TBXAS1: variants seen among roughly 807,000 people sequenced by gnomAD.
TBXAS1 encodes thromboxane A synthase 1, also known as thromboxane-A synthase.
TBXAS1 carries 48 observed loss-of-function variants against 60.7 expected under a neutral mutation model. That is an observed-to-expected ratio of 0.79 (90% CI 0.63 to 1.01). The LOEUF (loss-of-function observed/expected upper bound fraction) is 1.01. TBXAS1 is among the 50% of genes least tolerant of loss of function. TBXAS1 has a pLI of 0.00. For missense variants in TBXAS1, 685 were observed against 686.3 expected (o/e 1.00, Z 0.02); for synonymous variants, 287 against 269.7 (o/e 1.06, Z -0.63).
intron 11 of TBXAS1, 72 bp from the exon 12 acceptor site, chr7:140,017,599 C>G (rs1489297132): frequency 2.5e-6 from 4 of 1,588,166 alleles, no homozygotes; most frequent in African/African-American, 1.3e-5. Flanking sequence ...AGGGGTGGCT[C>G]AGCTGGAGCA....
chr7:139,791,922 G>A (rs1461066258), intron 4 of TBXAS1, among the ~76,000 whole-genome samples: 1 of 150,212 alleles, frequency 6.7e-6, no homozygotes, highest in East Asian at 2.0e-4. Flanking sequence ...GAAAAAAGAA[G>A]TGAAGAAGAA....
chr7:139,925,005 A>G (rs577348613), intron 4 of TBXAS1, among the ~76,000 whole-genome samples: 12 of 152,072 alleles, frequency 7.9e-5, no homozygotes, highest in African/African-American at 2.7e-4. Context: ...CTTCTATTCC[A>G]TTGGTCTATG....
intron 4 of TBXAS1, among the ~76,000 whole-genome samples, chr7:139,822,034 T>C (rs1018368900): frequency 2.6e-5 from 4 of 152,206 alleles, no homozygotes; most frequent in Non-Finnish European, 5.9e-5. Flanking sequence ...ACACGAGGAA[T>C]TCATTTTCCT....
intron 3 of TBXAS1, among the ~76,000 whole-genome samples, chr7:139,885,670 C>T (rs1584766188): frequency 6.6e-6 from 1 of 152,176 alleles, no homozygotes; most frequent in African/African-American, 2.4e-5. Context: ...GAAATTATTA[C>T]TAAATTTGAA....
At chr7:139,848,557 G>A (rs1407915809) in intron 1 of TBXAS1, among the ~76,000 whole-genome samples, 3 of 152,184 alleles carry the variant, frequency 2.0e-5, no homozygotes, top group South Asian at 2.1e-4. Flanking sequence ...CTCTGTTCCA[G>A]TCTGACAGTG....
chr7:139,938,603 G>A (rs1569516133), intron 5 of TBXAS1, among the ~76,000 whole-genome samples: 1 of 152,344 alleles, frequency 6.6e-6, no homozygotes, highest in East Asian at 1.9e-4. Flanking sequence ...GCTGCCTGGA[G>A]TGTGCCCCTT....
chr7:139,957,798 G>A (rs1437840852), intron 8 of TBXAS1, 34 bp downstream of exon 8: 3 of 1,613,402 alleles, frequency 1.9e-6, no homozygotes, highest in Admixed American at 1.7e-5. Context: ...GCCTTGAAAT[G>A]GAATGGAGCC....
intron 1 of TBXAS1, among the ~76,000 whole-genome samples, chr7:139,870,243 C>T (rs1199487634): frequency 6.6e-6 from 1 of 152,212 alleles, no homozygotes; most frequent in South Asian, 2.1e-4. Context: ...AGGGCATGGA[C>T]TTGCATAATA....
intron 1 of TBXAS1, among the ~76,000 whole-genome samples, chr7:139,838,244 G>A (rs1422347754): frequency 6.6e-6 from 1 of 152,210 alleles, no homozygotes; most frequent in South Asian, 2.1e-4. Flanking sequence ...AAGCTCAGGG[G>A]TGCTTCCTCA....
At chr7:139,795,981 A>G (rs970627626) in intron 4 of TBXAS1, among the ~76,000 whole-genome samples, 2 of 152,066 alleles carry the variant, frequency 1.3e-5, no homozygotes, top group Non-Finnish European at 2.9e-5. Flanking sequence ...TACCCTTAAG[A>G]ATGTGATGAA....
At chr7:139,802,207 G>A (rs1251698666) in intron 4 of TBXAS1, among the ~76,000 whole-genome samples, 1 of 152,104 alleles carries the variant, frequency 6.6e-6, no homozygotes, top group Non-Finnish European at 1.5e-5. Flanking sequence ...TTGTTCAAAT[G>A]TATTTCCATT....
intron 4 of TBXAS1, among the ~76,000 whole-genome samples, chr7:139,806,260 A>ATTTTT (rs1281739781): frequency 9.6e-5 from 14 of 145,284 alleles, no homozygotes; most frequent in African/African-American, 3.6e-4. Flanking sequence ...ATTTTATTTT[A>ATTTTT]TTTTATTTTA....
At chr7:139,864,986 A>G (rs1322548239) in intron 1 of TBXAS1, among the ~76,000 whole-genome samples, 1 of 152,208 alleles carries the variant, frequency 6.6e-6, no homozygotes, top group Non-Finnish European at 1.5e-5. Flanking sequence ...GCTTGGAAAA[A>G]AAATACTCAC....
At chr7:139,904,994 T>TA (rs1804872152) in intron 3 of TBXAS1, among the ~76,000 whole-genome samples, 1 of 126,702 alleles carries the variant, frequency 7.9e-6, no homozygotes, top group African/African-American at 3.5e-5. Context: ...TTTCTCTCTT[T>TA]CTCTCTTTCT....
In TBXAS1 at chr7:139,858,015, T is replaced by C. The variant is rs539160612; in HGVS notation, c.90-14220T>C. Among the ~76,000 whole-genome samples the C allele has an allele frequency of 5.4e-4, 82 of 152,244 alleles. No individual in the cohort carries two copies. The South Asian group carries it at 0.017, about 31-fold the overall frequency. ...CCCCAAAACACTGGGATTATGGGTGTGAGCTACCACGCCTGGCCTTGGGCT... is the reference window on the plus strand; with the variant it reads ...CCCCAAAACACTGGGATTATGGGTGCGAGCTACCACGCCTGGCCTTGGGCT... On this transcript the variant is annotated intron_variant, in intron 1 of 12. Transcript: ENST00000448866.
At chr7:139,795,954 G>A (rs988007953) in intron 4 of TBXAS1, among the ~76,000 whole-genome samples, 4 of 151,942 alleles carry the variant, frequency 2.6e-5, no homozygotes, top group East Asian at 1.9e-4. Flanking sequence ...TCTTAATTTC[G>A]TGGGGGGCAT....
chr7:139,963,881 C>A (rs987361468), intron 9 of TBXAS1, among the ~76,000 whole-genome samples: 2 of 152,154 alleles, frequency 1.3e-5, no homozygotes, highest in Admixed American at 1.3e-4. Flanking sequence ...GTTTCTCTCT[C>A]GCCAGTTCTT....
intron 3 of TBXAS1, among the ~76,000 whole-genome samples, chr7:139,884,555 G>A (rs1486494425): frequency 2.6e-5 from 4 of 152,288 alleles, no homozygotes; most frequent in East Asian, 1.9e-4. Context: ...TGTGGGTACC[G>A]AGAGAGCAGC....
chr7:139,949,657 C>T (rs1006020003), intron 5 of TBXAS1, among the ~76,000 whole-genome samples: 2 of 152,294 alleles, frequency 1.3e-5, no homozygotes, highest in African/African-American at 2.4e-5. Context: ...AGTCATGAAG[C>T]ATCAACACAG....
Sources: gnomAD v4.1 joint callset for allele counts (sites outside exome capture counted in the v4.1 genomes callset) on GRCh38, gnomAD v4.1.1 for gene constraint, MANE v1.5 for transcripts, NCBI Gene and HGNC (gene_info 2026-07-23, HGNC 2026-07-21) for gene names.